UHRF2: variants seen among roughly 807,000 people sequenced by gnomAD.
The protein encoded by UHRF2 is E3 ubiquitin-protein ligase UHRF2.
In UHRF2, 23 loss-of-function variants were observed where a neutral mutation model predicts 96.8. The ratio of observed to expected loss-of-function variants is 0.24; its 90% confidence interval spans 0.17 to 0.34. UHRF2 has a LOEUF of 0.34. UHRF2 is among the 10% of genes least tolerant of loss of function. The pLI is 1.00. For synonymous variants in UHRF2, 385 were observed against 332.6 expected (o/e 1.16, Z -1.72); for missense variants, 685 against 981.5 (o/e 0.70, Z 4.04).
At chr9:6,505,295 GTATA>G (rs375388121) in intron 15 of UHRF2, among the ~76,000 whole-genome samples, 2 of 150,714 alleles carry the variant, frequency 1.3e-5, no homozygotes, top group Admixed American at 6.6e-5. Flanking sequence ...GTGTGTGTGT[GTATA>G]TATATATATA....
intron 3 of UHRF2, among the ~76,000 whole-genome samples, chr9:6,438,702 T>C (rs976985103): frequency 2.0e-5 from 3 of 152,230 alleles, no homozygotes; most frequent in African/African-American, 7.2e-5. Context: ...TCAGTTAAAA[T>C]GGAGCTGTTT....
At chr9:6,441,020 T>A (rs1232377252) in intron 3 of UHRF2, among the ~76,000 whole-genome samples, 1 of 152,216 alleles carries the variant, frequency 6.6e-6, no homozygotes, top group Non-Finnish European at 1.5e-5. Flanking sequence ...TGAGAACCAC[T>A]GCCTTAGTTC....
At chr9:6,473,889 C>T (rs181811892) in intron 4 of UHRF2, among the ~76,000 whole-genome samples, 3 of 152,248 alleles carry the variant, frequency 2.0e-5, no homozygotes, top group East Asian at 1.9e-4. Context: ...ACTGTTTAAC[C>T]CATACTTTGG....
At chr9:6,490,777 A>T (rs1824611753) in intron 9 of UHRF2, among the ~76,000 whole-genome samples, 1 of 152,236 alleles carries the variant, frequency 6.6e-6, no homozygotes, top group Admixed American at 6.5e-5. Context: ...CTGTTACATA[A>T]TGTGAAGAAA....
Position 6,464,218 on chromosome 9 carries a change from A to G in UHRF2, c.863+3427A>G, listed in dbSNP as rs550991564. The stretch of plus-strand genomic sequence containing the variant: ...GGGTTGAGAATCTTTTCGTATTTTT[A>G]TTGACAAGTTGGATATATCTTTTGT... On this transcript the variant is annotated intron_variant, in intron 4 of 15. Transcript: ENST00000276893. Among the ~76,000 whole-genome samples the G allele has an allele frequency of 5.5e-4, 84 of 152,162 alleles. 1 individual carries two copies. The highest frequency in any genetic ancestry group is 4.6e-4 in the Admixed American group (7 of 15,294).
chr9:6,498,119 A>G lies in UHRF2; in HGVS notation c.1869A>G (p.Glu623=), dbSNP rs760842671. 3.9e-5 allele frequency: 63 copies of G among 1,613,918 alleles called. No individual in the cohort carries two copies. Among genetic ancestry groups the G allele is most frequent in the Non-Finnish European group, 4.1e-5 (48 of 1,179,966 alleles). Residue 623 remains glutamate (E), a synonymous_variant, in exon 12 of 16, where the codon GAA becomes GAG. Transcript: ENST00000276893. ...DDVEPAPWTS[E]GIERSRRLCL... is the part of the protein sequence containing the mutation. ...TTGAACCTGCTCCTTGGACCTCTGA[A>G]GGAATAGAACGGTCAAGGAGATTAT...
At chr9:6,462,157 A>C (rs1822582926) in intron 4 of UHRF2, among the ~76,000 whole-genome samples, 1 of 152,162 alleles carries the variant, frequency 6.6e-6, no homozygotes, top group South Asian at 2.1e-4. Context: ...TTTGTAAATA[A>C]AGTATCATTG....
At chr9:6,424,423 C>G (rs937519666) in intron 2 of UHRF2, among the ~76,000 whole-genome samples, 7 of 152,148 alleles carry the variant, frequency 4.6e-5, no homozygotes. Flanking sequence ...CCATTTTTTT[C>G]TATATTACTC....
chr9:6,459,359 A>G (rs1353816925), intron 3 of UHRF2, among the ~76,000 whole-genome samples: 1 of 152,208 alleles, frequency 6.6e-6, no homozygotes, highest in African/African-American at 2.4e-5. Flanking sequence ...AGAGGCCATC[A>G]TCTAGTCCTG....
chr9:6,421,193 T>G, intron 2 of UHRF2, 51 bp downstream of exon 2: 1 of 1,371,846 alleles, frequency 7.3e-7, no homozygotes, highest in Non-Finnish European at 1.0e-6. Context: ...ATAAATTTAT[T>G]TTCTGTTCAG....
At chr9:6,444,410 A>G (rs1271123067) in intron 3 of UHRF2, among the ~76,000 whole-genome samples, 1 of 152,230 alleles carries the variant, frequency 6.6e-6, no homozygotes, top group Non-Finnish European at 1.5e-5. Context: ...GTACTTAGAA[A>G]AAGAACTTTA....
At chr9:6,464,257 C>T (rs1352171844) in intron 4 of UHRF2, among the ~76,000 whole-genome samples, 1 of 152,094 alleles carries the variant, frequency 6.6e-6, no homozygotes, top group African/African-American at 2.4e-5. Flanking sequence ...GACCTGGTTC[C>T]AATTTGGTGA....
intron 11 of UHRF2, 65 bp downstream of exon 11, chr9:6,497,425 A>G: frequency 6.3e-7 from 1 of 1,576,606 alleles, no homozygotes; most frequent in Non-Finnish European, 8.7e-7. Flanking sequence ...GGGTTGTTGC[A>G]AGGAACTACT....
intron 3 of UHRF2, among the ~76,000 whole-genome samples, chr9:6,444,726 C>T (rs1821384708): frequency 6.6e-6 from 1 of 152,096 alleles, no homozygotes; most frequent in South Asian, 2.1e-4. Flanking sequence ...CCTCTGCCTC[C>T]CAAGTAGCTG....
chr9:6,473,326 G>C (rs1823364709), intron 4 of UHRF2, among the ~76,000 whole-genome samples: 1 of 152,162 alleles, frequency 6.6e-6, no homozygotes, highest in Non-Finnish European at 1.5e-5. Flanking sequence ...GAAGTTGTTA[G>C]AGAATGATTT....
intron 9 of UHRF2, among the ~76,000 whole-genome samples, chr9:6,487,312 C>T (rs2130929203): frequency 6.6e-6 from 1 of 150,868 alleles, no homozygotes; most frequent in South Asian, 2.1e-4. Flanking sequence ...CCTCAGCCTC[C>T]CAAGTATGTG....
At chr9:6,497,472 T>G in intron 11 of UHRF2, 112 bp downstream of exon 11, 1 of 1,186,242 alleles carries the variant, frequency 8.4e-7, no homozygotes, top group African/African-American at 1.5e-5. Context: ...CATCTTATAT[T>G]GCTACTTTTT....
chr9:6,505,622 C>A (rs1816542549), intron 15 of UHRF2, among the ~76,000 whole-genome samples: 2 of 152,016 alleles, frequency 1.3e-5, no homozygotes, highest in Non-Finnish European at 2.9e-5. Context: ...TGAAGACTCA[C>A]CATATGTGTT....
At chr9:6,500,434 C>G in intron 13 of UHRF2, 118 bp from the exon 14 acceptor site, 1 of 804,458 alleles carries the variant, frequency 1.2e-6, no homozygotes, top group Non-Finnish European at 1.8e-6. Context: ...AAATTAGATG[C>G]TGTTTTATGT....
Sources: gnomAD v4.1 joint callset for allele counts (sites outside exome capture counted in the v4.1 genomes callset) on GRCh38, gnomAD v4.1.1 for gene constraint, MANE v1.5 for transcripts, NCBI Gene and HGNC (gene_info 2026-07-23, HGNC 2026-07-21) for gene names.